B3GALT1: variants seen among roughly 807,000 people sequenced by gnomAD.
The protein encoded by B3GALT1 is beta-1,3-galactosyltransferase 1.
A neutral mutation model predicts 23.2 loss-of-function variants in B3GALT1; 10 were observed. That is an observed-to-expected ratio of 0.43 (90% confidence interval 0.27 to 0.73). The LOEUF is 0.73. B3GALT1 is among the 30% of genes least tolerant of loss of function. The pLI, the probability that B3GALT1 is intolerant of heterozygous loss-of-function variation, is 0.21. For synonymous variants in B3GALT1, 156 were observed against 141.5 expected (o/e 1.10, Z -0.73); for missense variants, 299 against 405.4 (o/e 0.74, Z 2.25).
At chr2:167,579,432 C>CTTTTTTTTTTTTTTTTTTTTTTTTT (rs71395297) in intron 2 of B3GALT1, among the ~76,000 whole-genome samples, 7 of 109,034 alleles carry the variant, frequency 6.4e-5, no homozygotes, top group East Asian at 3.8e-4. Context: ...TTTTTTTTGT[C>CTTTTTTTTTTTTTTTTTTTTTTTTT]TTTTTTTTTT....
chr2:167,548,645 G>T (rs1396606432), intron 2 of B3GALT1, among the ~76,000 whole-genome samples: 1 of 150,562 alleles, frequency 6.6e-6, no homozygotes, highest in Non-Finnish European at 1.5e-5. Flanking sequence ...CTGAGCAGAT[G>T]CCATACCAGC....
At chr2:167,635,601 C>T (rs185714527) in intron 2 of B3GALT1, among the ~76,000 whole-genome samples, 1 of 141,806 alleles carries the variant, frequency 7.1e-6, no homozygotes, top group East Asian at 2.1e-4. Context: ...ACAATTGCTA[C>T]AAAAAGAATA....
At chr2:167,618,358 T>C (rs1685196740) in intron 2 of B3GALT1, among the ~76,000 whole-genome samples, 1 of 152,068 alleles carries the variant, frequency 6.6e-6, no homozygotes, top group African/African-American at 2.4e-5. Flanking sequence ...TCCATAGTAC[T>C]CAACTATTGA....
chr2:167,855,291 G>A (rs1016854015), intron 4 of B3GALT1, among the ~76,000 whole-genome samples: 1 of 152,086 alleles, frequency 6.6e-6, no homozygotes, highest in Non-Finnish European at 1.5e-5. Context: ...AGAATATGGT[G>A]TATAGACCTA....
At chr2:167,842,300 G>C (rs10205480) in intron 4 of B3GALT1, among the ~76,000 whole-genome samples, 1,712 of 152,286 alleles carry the variant, frequency 0.011, 29 homozygotes, top group African/African-American at 0.039. Context: ...AAACTCCACT[G>C]CATGTGCCTT....
intron 1 of B3GALT1, among the ~76,000 whole-genome samples, chr2:167,369,266 T>G (rs1243780715): frequency 6.6e-6 from 1 of 152,134 alleles, no homozygotes; most frequent in East Asian, 1.9e-4. Flanking sequence ...GAAGCTGTTT[T>G]GGAGGCCTTG....
intron 2 of B3GALT1, among the ~76,000 whole-genome samples, chr2:167,627,150 T>A (rs888205434): frequency 2.0e-5 from 3 of 151,610 alleles, no homozygotes; most frequent in Non-Finnish European, 4.4e-5. Flanking sequence ...TTATCTAATC[T>A]ATAATGTGTG....
intron 1 of B3GALT1, among the ~76,000 whole-genome samples, chr2:167,453,141 C>T (rs971897929): frequency 1.3e-5 from 2 of 152,148 alleles, no homozygotes; most frequent in African/African-American, 4.8e-5. Flanking sequence ...AACACAGAAT[C>T]ACAAGAGAAG....
chr2:167,465,553 A>T (rs1699331831), intron 1 of B3GALT1, among the ~76,000 whole-genome samples: 1 of 152,148 alleles, frequency 6.6e-6, no homozygotes, highest in Admixed American at 6.6e-5. Context: ...CATCTTGTTA[A>T]TAAGGTTATA....
chr2:167,790,642 A>T (rs836689), intron 3 of B3GALT1, among the ~76,000 whole-genome samples: 32,025 of 152,140 alleles, frequency 0.21, 3,772 homozygotes, highest in East Asian at 0.42. Flanking sequence ...TCAAAATGGA[A>T]TTAGTGTCCA....
intron 3 of B3GALT1, among the ~76,000 whole-genome samples, chr2:167,796,073 C>A (rs912196678): frequency 6.6e-6 from 1 of 152,156 alleles, no homozygotes; most frequent in Non-Finnish European, 1.5e-5. Flanking sequence ...TTTAATCTTC[C>A]CTCTTTATGC....
At chr2:167,395,162 G>A (rs1698075617) in intron 1 of B3GALT1, among the ~76,000 whole-genome samples, 1 of 152,084 alleles carries the variant, frequency 6.6e-6, no homozygotes, top group Non-Finnish European at 1.5e-5. Flanking sequence ...CACGTGAGAT[G>A]GATATAAATC....
At chr2:167,476,874 A>G (rs1297496311) in intron 1 of B3GALT1, among the ~76,000 whole-genome samples, 1 of 152,220 alleles carries the variant, frequency 6.6e-6, no homozygotes, top group Non-Finnish European at 1.5e-5. Context: ...CCAAATGTGA[A>G]GAAAAGAGAA....
Position 167,715,403 on chromosome 2 carries a change from C to T in B3GALT1, c.-352+68437C>T. The T allele has an allele frequency of 2.5e-6, 4 of 1,612,950 alleles. No individual in the cohort carries two copies. The Admixed American group carries it at 5.0e-5, about 20-fold the overall frequency. On this transcript the variant is annotated intron_variant, in intron 3 of 4. Coordinates refer to ENST00000392690, the MANE Select transcript of B3GALT1 (RefSeq NM_020981.4). Reference sequence around the variant, plus strand: ...AGCTTCTCGCAAAAGCTGTTTCTGGCTTTCCTGAAGTTGAGAATTTTCACT... The same window carrying T: ...AGCTTCTCGCAAAAGCTGTTTCTGGTTTTCCTGAAGTTGAGAATTTTCACT...
chr2:167,336,519 G>A (rs1413379426), intron 1 of B3GALT1, among the ~76,000 whole-genome samples: 1 of 152,160 alleles, frequency 6.6e-6, no homozygotes, highest in Non-Finnish European at 1.5e-5. Flanking sequence ...GGCAAGACAG[G>A]CTGAGTATTA....
intron 3 of B3GALT1, among the ~76,000 whole-genome samples, chr2:167,803,805 T>C (rs1000583809): frequency 2.0e-5 from 3 of 151,920 alleles, no homozygotes; most frequent in African/African-American, 7.3e-5. Context: ...ATTCACACTC[T>C]CGTTCTGTCA....
intron 1 of B3GALT1, among the ~76,000 whole-genome samples, chr2:167,351,991 T>C (rs1367233947): frequency 1.3e-5 from 2 of 149,616 alleles, no homozygotes; most frequent in Non-Finnish European, 3.0e-5. Flanking sequence ...GTCAGAGTCT[T>C]GCTCTGTCAC....
At chr2:167,726,849 G>A (rs893324688) in intron 3 of B3GALT1, among the ~76,000 whole-genome samples, 2 of 152,202 alleles carry the variant, frequency 1.3e-5, no homozygotes, top group Non-Finnish European at 2.9e-5. Flanking sequence ...TTGTTTACAT[G>A]TAAGCAACAT....
At chr2:167,585,519 T>C (rs1684571492) in intron 2 of B3GALT1, among the ~76,000 whole-genome samples, 1 of 152,194 alleles carries the variant, frequency 6.6e-6, no homozygotes, top group Non-Finnish European at 1.5e-5. Flanking sequence ...ACACACCCAC[T>C]AGAATTGCTA....
Sources: gnomAD v4.1 joint callset for allele counts (sites outside exome capture counted in the v4.1 genomes callset) on GRCh38, gnomAD v4.1.1 for gene constraint, MANE v1.5 for transcripts, NCBI Gene and HGNC (gene_info 2026-07-23, HGNC 2026-07-21) for gene names.